SORCS1: variants seen among roughly 807,000 people sequenced by gnomAD.
The protein encoded by SORCS1 is sortilin related VPS10 domain containing receptor 1.
Under a neutral mutation model 146.1 loss-of-function variants are expected in SORCS1, and 60 were observed. The ratio of observed to expected loss-of-function variants is 0.41; its 90% confidence interval spans 0.33 to 0.51. The LOEUF is 0.51. SORCS1 is among the 20% of genes least tolerant of loss of function. The pLI is 0.21. For missense variants in SORCS1, 1,352 were observed against 1,487.6 expected (o/e 0.91, Z 1.50); for synonymous variants, 637 against 584.0 (o/e 1.09, Z -1.31).
chr10:106,604,009 T>A (rs1378389253), intron 23 of SORCS1, among the ~76,000 whole-genome samples: 2 of 152,128 alleles, frequency 1.3e-5, no homozygotes, highest in Non-Finnish European at 2.9e-5. Flanking sequence ...AACCTGCAAC[T>A]CTCGCTGGTG....
At chr10:107,179,327 A>T in the SORCS1 span, among the ~76,000 whole-genome samples, 1 of 152,210 alleles carries the variant, frequency 6.6e-6, no homozygotes, top group Non-Finnish European at 1.5e-5. Context: ...TATGTTAATT[A>T]GCCTGATGTA....
In SORCS1 at chr10:107,117,483, T is replaced by C. The variant is rs948501282; in HGVS notation, c.558+46486A>G. On this transcript the variant is annotated intron_variant, in intron 1 of 25. Coordinates refer to ENST00000263054, the MANE Select transcript of SORCS1 (RefSeq NM_052918.5). ...CTGTGAGATCAGGGCCCCCCAGAAC[T>C]GTGAGGTCATGAGTACCCAGGAAAG... Among the ~76,000 whole-genome samples, 9 of 152,242 alleles carry C rather than the reference T, an allele frequency of 5.9e-5. 1 individual carries two copies. Among genetic ancestry groups the C allele is most frequent in the Middle Eastern group, 3.4e-3 (1 of 294 alleles).
rs1447262240 is a variant in SORCS1 at position 107,164,370 on chromosome 10, G to T, written c.157C>A (p.Pro53Thr). The T allele has an allele frequency of 4.7e-6, 7 of 1,479,390 alleles. No individual in the cohort carries two copies. In the South Asian group the frequency reaches 7.9e-5, roughly 17 times the overall value. 91.6% of individuals were successfully genotyped at this position (1,479,390 alleles called of 1,614,324 possible). Residue 53 changes from proline (P) to threonine (T), a missense_variant, in exon 1 of 26, where the codon CCT becomes ACT. By Grantham distance (38) the Pro-to-Thr change is conservative. Transcript: ENST00000263054. The surrounding 1 kb of genome is among the most constrained non-coding windows in gnomAD (Gnocchi z 6.8). Reference sequence around the variant, plus strand: ...CGCCCCTGGTGGGAAAAGCCCCTAGGGGTCGAGGCCGAGCGTGGAGCGGAG... The same window carrying T: ...CGCCCCTGGTGGGAAAAGCCCCTAGTGGTCGAGGCCGAGCGTGGAGCGGAG... ...PSSAPRSAST[P>T]RGFSHQGRPG... is the part of the protein sequence containing the mutation.
At chr10:106,948,198 A>T (rs144353452) in intron 2 of SORCS1, among the ~76,000 whole-genome samples, 9 of 152,248 alleles carry the variant, frequency 5.9e-5, no homozygotes, top group Admixed American at 1.3e-4. Flanking sequence ...AGTCACAAAG[A>T]TATGAAGAGA....
intron 1 of SORCS1, among the ~76,000 whole-genome samples, chr10:107,096,604 TG>T (rs1277349426): frequency 6.6e-6 from 1 of 152,150 alleles, no homozygotes; most frequent in African/African-American, 2.4e-5. Flanking sequence ...CTCCACCTCC[TG>T]GGTTCAAGCG....
intron 1 of SORCS1, among the ~76,000 whole-genome samples, chr10:107,069,593 C>A (rs1360744701): frequency 2.0e-5 from 3 of 152,156 alleles, no homozygotes; most frequent in African/African-American, 7.2e-5. Flanking sequence ...CCAGGCTGGT[C>A]TCGACCTCCT....
chr10:107,039,104 T>G (rs890314774), intron 1 of SORCS1, among the ~76,000 whole-genome samples: 2 of 150,222 alleles, frequency 1.3e-5, no homozygotes, highest in Non-Finnish European at 3.0e-5. Context: ...CTGAGGCGGG[T>G]GGATCACAAG....
At chr10:106,878,649 T>TATATATGTATATATATATA (rs1491300730) in intron 2 of SORCS1, among the ~76,000 whole-genome samples, 1 of 137,870 alleles carries the variant, frequency 7.3e-6, no homozygotes, top group African/African-American at 2.7e-5. Context: ...TATATATATA[T>TATATATGTATATATATATA]TTTATAGCAG....
intron 1 of SORCS1, among the ~76,000 whole-genome samples, chr10:107,134,754 G>A (rs774148883): frequency 3.2e-4 from 48 of 152,298 alleles, no homozygotes; most frequent in Non-Finnish European, 5.4e-4. Flanking sequence ...AGTCATTATC[G>A]TTCCAGATAC....
intron 1 of SORCS1, among the ~76,000 whole-genome samples, chr10:106,999,213 C>T (rs1957116752): frequency 6.6e-6 from 1 of 152,110 alleles, no homozygotes; most frequent in African/African-American, 2.4e-5. Flanking sequence ...CACACATAAA[C>T]TGGCAAATAT....
chr10:106,805,104 C>G (rs1947096794), intron 3 of SORCS1, among the ~76,000 whole-genome samples: 2 of 152,150 alleles, frequency 1.3e-5, no homozygotes, highest in Admixed American at 1.3e-4. Flanking sequence ...TTCCAAAGGA[C>G]TTGAAAAGGT....
At chr10:106,577,679 C>G (rs1376102015) in intron 25 of SORCS1, 124 bp from the exon 26 acceptor site, 18 of 1,491,496 alleles carry the variant, frequency 1.2e-5, no homozygotes, top group Non-Finnish European at 1.6e-5. Context: ...ATAAAGCAAA[C>G]AGAGGCTGTG....
chr10:106,764,953 G>A (rs1297237801), intron 4 of SORCS1, among the ~76,000 whole-genome samples: 1 of 146,796 alleles, frequency 6.8e-6, no homozygotes, highest in Admixed American at 6.9e-5. Flanking sequence ...AACCTGGGAT[G>A]TGGAGCTTGC....
intron 22 of SORCS1, among the ~76,000 whole-genome samples, chr10:106,608,238 T>C (rs988540243): frequency 2.0e-5 from 3 of 152,204 alleles, no homozygotes; most frequent in Non-Finnish European, 4.4e-5. Flanking sequence ...TCCAAACTAA[T>C]TACCCACAAC....
intron 2 of SORCS1, among the ~76,000 whole-genome samples, chr10:106,853,439 TTATC>T (rs1949667466): frequency 6.6e-6 from 1 of 151,924 alleles, no homozygotes; most frequent in Non-Finnish European, 1.5e-5. Context: ...GTTTTGTTGA[TTATC>T]TATTTTCAGT....
rs528248283 is a variant in SORCS1 at position 107,060,981 on chromosome 10, G to C, written c.558+102988C>G. ...AGTTAAATAAAAAAATTTATCTTCT[G>C]TTTCTACTCCAGCCAGATATATCTA... On this transcript the variant is annotated intron_variant, in intron 1 of 25. Coordinates refer to ENST00000263054, the MANE Select transcript of SORCS1 (RefSeq NM_052918.5). The surrounding 1 kb of genome is among the most constrained non-coding windows in gnomAD (Gnocchi z 4.1). 6.6e-6 allele frequency among the ~76,000 whole-genome samples: 1 copy of C among 152,022 alleles called. No homozygotes were observed. The highest frequency in any genetic ancestry group is 6.5e-5 in the Admixed American group (1 of 15,268).
chr10:106,697,251 T>A (rs1853770056), intron 9 of SORCS1, among the ~76,000 whole-genome samples: 1 of 151,988 alleles, frequency 6.6e-6, no homozygotes, highest in African/African-American at 2.4e-5. Flanking sequence ...GATCACAAGG[T>A]CAGGAGTTCG....
At chr10:106,723,605 T>C (rs540864284) in intron 6 of SORCS1, among the ~76,000 whole-genome samples, 2 of 152,128 alleles carry the variant, frequency 1.3e-5, no homozygotes, top group Non-Finnish European at 2.9e-5. Context: ...CAGAAAGTAA[T>C]ACAATAAAGA....
intron 2 of SORCS1, among the ~76,000 whole-genome samples, chr10:106,955,056 A>G (rs769235191): frequency 1.3e-5 from 2 of 152,240 alleles, no homozygotes; most frequent in Non-Finnish European, 2.9e-5. Flanking sequence ...CATGGGCTAG[A>G]GCAGAGCAGT....
Sources: gnomAD v4.1 joint callset for allele counts (sites outside exome capture counted in the v4.1 genomes callset) on GRCh38, gnomAD v4.1.1 for gene constraint, Gnocchi (gnomAD v3.1) non-coding constraint, MANE v1.5 for transcripts, NCBI Gene and HGNC (gene_info 2026-07-23, HGNC 2026-07-21) for gene names.